Variants in NXPH1 observed in about 807,000 individuals in gnomAD.
The protein encoded by NXPH1 is neurexophilin-1.
Under a neutral mutation model 23.7 loss-of-function variants are expected in NXPH1, and 5 were observed. That is an observed-to-expected ratio of 0.21 (90% CI 0.11 to 0.44). NXPH1 has a LOEUF of 0.44. Ranked by LOEUF, NXPH1 falls within the 20% of genes least tolerant of loss-of-function variation. NXPH1 has a pLI of 0.99. For missense variants in NXPH1, 324 were observed against 321.6 expected (o/e 1.01, Z -0.06); for synonymous variants, 144 against 122.2 (o/e 1.18, Z -1.18).
At chr7:8,451,866 T>G (rs1816512393) in intron 2 of NXPH1, among the ~76,000 whole-genome samples, 1 of 152,226 alleles carries the variant, frequency 6.6e-6, no homozygotes, top group African/African-American at 2.4e-5. Context: ...TTTCCATTTC[T>G]TTTTCATGAT....
At chr7:8,460,941 T>C (rs1816684544) in intron 2 of NXPH1, among the ~76,000 whole-genome samples, 1 of 152,232 alleles carries the variant, frequency 6.6e-6, no homozygotes, top group South Asian at 2.1e-4. Context: ...TAGGGCCTCA[T>C]CACATTTCCT....
At chr7:8,576,023 G>T (rs1818747877) in intron 2 of NXPH1, among the ~76,000 whole-genome samples, 1 of 152,036 alleles carries the variant, frequency 6.6e-6, no homozygotes. Flanking sequence ...TCTCAATAGG[G>T]GATGGGTATA....
At chr7:8,644,082 C>A (rs972772267) in intron 2 of NXPH1, among the ~76,000 whole-genome samples, 2 of 152,186 alleles carry the variant, frequency 1.3e-5, no homozygotes, top group African/African-American at 4.8e-5. Context: ...TTACATACTA[C>A]ATAGTTATCT....
At chr7:8,712,777 C>T (rs1475707626) in intron 2 of NXPH1, among the ~76,000 whole-genome samples, 1 of 152,168 alleles carries the variant, frequency 6.6e-6, no homozygotes, top group African/African-American at 2.4e-5. Flanking sequence ...CATGGTCACA[C>T]ATCTAGTAAA....
chr7:8,559,357 TAGA>T (rs1818406722), intron 2 of NXPH1, among the ~76,000 whole-genome samples: 1 of 151,784 alleles, frequency 6.6e-6, no homozygotes, highest in African/African-American at 2.4e-5. Context: ...CCGAGTGTCT[TAGA>T]AGATCTGTAT....
chr7:8,595,798 T>C (rs1819210187), intron 2 of NXPH1, among the ~76,000 whole-genome samples: 1 of 151,986 alleles, frequency 6.6e-6, no homozygotes, highest in South Asian at 2.1e-4. Context: ...TTTCTTTCCG[T>C]AATGAAAGGA....
Position 8,461,843 on chromosome 7 carries a change from A to AAAAAAAAAAAAG in NXPH1, c.54+26084_54+26085insAAAGAAAAAAAA, listed in dbSNP as rs758426131. Among the ~76,000 whole-genome samples the AAAAAAAAAAAAG allele has an allele frequency of 3.3e-4, 40 of 121,470 alleles. 3 individuals are homozygous for AAAAAAAAAAAAG. The highest frequency in any genetic ancestry group is 5.4e-4 in the Non-Finnish European group (31 of 57,936). The allele number at this position is 121,470 out of a possible 152,430, so 79.7% of individuals were successfully genotyped here. A position where few individuals can be genotyped will look rare whatever the true frequency, so the allele number is the denominator to read the frequency against. ...CAGAGCGAGACTCCGTCTCAAAAAA[A>AAAAAAAAAAAAG]AAAAAAAAGAATAAACACACAAGTG... is the stretch of plus-strand genomic sequence containing the variant. On this transcript the variant is annotated intron_variant, in intron 2 of 2. Coordinates refer to ENST00000405863, the MANE Select transcript of NXPH1 (RefSeq NM_152745.3).
chr7:8,499,570 G>C (rs577171657), intron 2 of NXPH1, among the ~76,000 whole-genome samples: 1 of 152,132 alleles, frequency 6.6e-6, no homozygotes, highest in Non-Finnish European at 1.5e-5. Context: ...CAAAAATAAG[G>C]GTACAAGTAA....
intron 2 of NXPH1, among the ~76,000 whole-genome samples, chr7:8,603,963 C>CA (rs1204340154): frequency 6.6e-6 from 1 of 152,066 alleles, no homozygotes; most frequent in Non-Finnish European, 1.5e-5. Context: ...TATTCTTACA[C>CA]ATTCTTTAAA....
chr7:8,739,198 A>AC (rs1182565356), intron 2 of NXPH1, among the ~76,000 whole-genome samples: 20 of 140,190 alleles, frequency 1.4e-4, no homozygotes, highest in African/African-American at 3.4e-4. Flanking sequence ...AAAAAAAAAA[A>AC]AAAAAACCCT....
chr7:8,465,341 C>T (rs189588691), intron 2 of NXPH1, among the ~76,000 whole-genome samples: 7 of 152,218 alleles, frequency 4.6e-5, no homozygotes, highest in East Asian at 1.9e-4. Context: ...ATTTTCTACT[C>T]GCTCCTCTAT....
At chr7:8,721,401 A>G (rs760592103) in intron 2 of NXPH1, among the ~76,000 whole-genome samples, 2 of 152,214 alleles carry the variant, frequency 1.3e-5, no homozygotes, top group Non-Finnish European at 2.9e-5. Flanking sequence ...AAAAATCTAA[A>G]TACGTTTTTG....
At chr7:8,636,921 T>A (rs1441912407) in intron 2 of NXPH1, among the ~76,000 whole-genome samples, 2 of 152,236 alleles carry the variant, frequency 1.3e-5, no homozygotes, top group Non-Finnish European at 2.9e-5. Context: ...ACAGGCCAGC[T>A]TTGCTTGCTT....
intron 2 of NXPH1, among the ~76,000 whole-genome samples, chr7:8,607,521 A>G (rs1251713140): frequency 6.6e-6 from 1 of 152,202 alleles, no homozygotes; most frequent in Non-Finnish European, 1.5e-5. Context: ...TTAATGCAAC[A>G]GACTTCTGTA....
intron 2 of NXPH1, among the ~76,000 whole-genome samples, chr7:8,711,693 T>A (rs7794575): frequency 0.21 from 31,401 of 152,106 alleles, 3,423 homozygotes; most frequent in Non-Finnish European, 0.21. Context: ...TGCATACATA[T>A]GTATGTGAGG....
At chr7:8,501,804 G>A (rs1817440225) in intron 2 of NXPH1, among the ~76,000 whole-genome samples, 1 of 152,056 alleles carries the variant, frequency 6.6e-6, no homozygotes. Flanking sequence ...ATGCAGCAAC[G>A]AGAGCTATAG....
rs543631543 is a variant in NXPH1 at position 8,608,612 on chromosome 7, A to AT, written c.55-142389dup. ...AGGGAAGTGAAATGGCCCTTTCTGT[A>AT]TTTTTTTAAAAATATGGAGGTTTGC... On this transcript the variant is annotated intron_variant, in intron 2 of 2. Transcript: ENST00000405863. 9.2e-5 allele frequency among the ~76,000 whole-genome samples: 14 copies of AT among 152,198 alleles called. No homozygotes were observed. In the East Asian group the frequency reaches 1.9e-3, roughly 21 times the overall value.
intron 2 of NXPH1, among the ~76,000 whole-genome samples, chr7:8,712,234 A>G (rs535206763): frequency 1.2e-4 from 18 of 152,300 alleles, no homozygotes; most frequent in African/African-American, 4.1e-4. Context: ...TTTCAGGATC[A>G]GTTTTCTTTA....
At chr7:8,530,439 T>G (rs73678049) in intron 2 of NXPH1, among the ~76,000 whole-genome samples, 2,156 of 152,310 alleles carry the variant, frequency 0.014, 42 homozygotes, top group African/African-American at 0.047. Flanking sequence ...TGAAGGAGGT[T>G]AGTCTAGAAT....
Sources: allele counts gnomAD v4.1 joint callset (sites outside exome capture counted in the v4.1 genomes callset), GRCh38; gene constraint gnomAD v4.1.1; transcripts MANE v1.5; gene names NCBI Gene and HGNC (gene_info 2026-07-23, HGNC 2026-07-21).